SDF2: variants seen among roughly 807,000 people sequenced by gnomAD.
SDF2 encodes the protein stromal cell derived factor 2.
SDF2 carries 12 observed loss-of-function variants against 20.5 expected under a neutral mutation model. The ratio of observed to expected loss-of-function variants is 0.58; its 90% CI spans 0.37 to 0.95. The LOEUF is 0.95. Ranked by LOEUF, SDF2 falls within the 40% of genes least tolerant of loss-of-function variation. SDF2 has a pLI of 0.01. For missense variants in SDF2, 238 were observed against 263.1 expected (o/e 0.90, Z 0.66); for synonymous variants, 100 against 101.0 (o/e 0.99, Z 0.06).
intron 1 of SDF2, among the ~76,000 whole-genome samples, chr17:28,656,592 A>T (rs1427190006): frequency 1.3e-5 from 2 of 152,136 alleles, no homozygotes; most frequent in South Asian, 2.1e-4. Context: ...CGTCTCAAAA[A>T]AAATAAATAA....
In SDF2 at chr17:28,650,322, T is replaced by A. The variant is rs558411783; in HGVS notation, c.349-1046A>T. On this transcript the variant is annotated intron_variant, in intron 2 of 2. Coordinates refer to ENST00000247020, the MANE Select transcript of SDF2 (RefSeq NM_006923.4). Reference sequence around the variant, plus strand: ...CATAAAGGACATAGGAGGAAAAAAATTCATTGCTATAAGATTATGGTCCAT... The same window carrying A: ...CATAAAGGACATAGGAGGAAAAAAAATCATTGCTATAAGATTATGGTCCAT... Among the ~76,000 whole-genome samples, 3 of 152,018 alleles carry A rather than the reference T, an allele frequency of 2.0e-5. No homozygotes were observed. In the South Asian group the frequency reaches 6.2e-4, roughly 32 times the overall value.
At chr17:28,650,751 C>T (rs764720062) in intron 2 of SDF2, among the ~76,000 whole-genome samples, 1 of 134,044 alleles carries the variant, frequency 7.5e-6, no homozygotes, top group Non-Finnish European at 1.5e-5. Context: ...TGCAGTGAGC[C>T]GAGATTGCAC....
chr17:28,653,177 A>G (rs1315859469), intron 2 of SDF2, among the ~76,000 whole-genome samples: 5 of 152,246 alleles, frequency 3.3e-5, no homozygotes, highest in African/African-American at 1.2e-4. Context: ...ATAACTTTAC[A>G]GGAGAAACCT....
chr17:28,655,227 A>G (rs957247895), intron 2 of SDF2, 60 bp downstream of exon 2: 2 of 1,495,376 alleles, frequency 1.3e-6, no homozygotes, highest in African/African-American at 2.8e-5. Flanking sequence ...GAACCAAGAG[A>G]TCAAACAAGC....
Position 28,648,759 on chromosome 17 carries a change from C to T in SDF2, c.*230G>A. On this transcript the variant is annotated 3_prime_UTR_variant, in exon 3 of 3. Coordinates refer to ENST00000247020, the MANE Select transcript of SDF2 (RefSeq NM_006923.4). ...CTAATAAAAAGCATCTGCCCCTTTA[C>T]CAGCAAGTCCTCTACTCAGAAAGAA... 1.7e-6 allele frequency: 1 copy of T among 575,266 alleles called. No homozygotes were observed. The highest frequency in any genetic ancestry group is 3.1e-6 in the Non-Finnish European group (1 of 322,790). The allele number at this position is 575,266 out of a possible 1,614,324, so 35.6% of individuals were successfully genotyped here.
Position 28,649,730 on chromosome 17 carries a change from G to C in SDF2, c.349-454C>G, listed in dbSNP as rs533052459. On this transcript the variant is annotated intron_variant, in intron 2 of 2. Coordinates refer to ENST00000247020, the MANE Select transcript of SDF2 (RefSeq NM_006923.4). ...GCCTGGGCAACAAGAGCAAAACTCT[G>C]TCTCAAAAAAAAAAAAAGAAAAAAA... Among the ~76,000 whole-genome samples the C allele has an allele frequency of 7.7e-4, 99 of 128,388 alleles. 1 individual carries two copies. The highest frequency in any genetic ancestry group is 2.7e-3 in the African/African-American group (94 of 34,520). The allele number at this position is 128,388 out of a possible 152,430, so 84.2% of individuals were successfully genotyped here. A position where few individuals can be genotyped will look rare whatever the true frequency, so the allele number is the denominator to read the frequency against.
intron 1 of SDF2, among the ~76,000 whole-genome samples, chr17:28,659,475 C>T (rs1412925580): frequency 3.5e-5 from 5 of 144,504 alleles, no homozygotes; most frequent in East Asian, 2.1e-4. Context: ...ATGGGGTGGC[C>T]GGGCAGAGGT....
intron 1 of SDF2, among the ~76,000 whole-genome samples, chr17:28,661,442 C>T (rs907100532): frequency 1.3e-5 from 2 of 152,198 alleles, no homozygotes; most frequent in Admixed American, 1.3e-4. Context: ...CGTCTGTTTC[C>T]TCATCTGTGA....
chr17:28,659,960 T>A (rs1418195441), intron 1 of SDF2, among the ~76,000 whole-genome samples: 1 of 152,216 alleles, frequency 6.6e-6, no homozygotes, highest in Non-Finnish European at 1.5e-5. Context: ...CACTGAGCAC[T>A]GAGTGAGCAA....
chr17:28,662,045 C>G, upstream of SDF2: 1 of 706,686 alleles, frequency 1.4e-6, no homozygotes, highest in Non-Finnish European at 2.3e-6. Context: ...TGGTTACTTA[C>G]GATACTCTCG....
At chr17:28,657,693 C>T (rs1011990133) in intron 1 of SDF2, 1 of 151,840 alleles carries the variant, frequency 6.6e-6, no homozygotes, top group Non-Finnish European at 1.5e-5. Context: ...CCACCACACC[C>T]AGCCTAAAAA....
chr17:28,658,008 T>C (rs1340261379), intron 1 of SDF2, among the ~76,000 whole-genome samples: 2 of 152,170 alleles, frequency 1.3e-5, no homozygotes, highest in Admixed American at 1.3e-4. Flanking sequence ...TAGCCAACTA[T>C]CAGCTCCTTT....
intron 1 of SDF2, among the ~76,000 whole-genome samples, chr17:28,658,976 C>CAG (rs2071993732): frequency 1.4e-5 from 2 of 144,756 alleles, no homozygotes; most frequent in South Asian, 2.2e-4. Context: ...ACATCCCAGA[C>CAG]GATGGGAGGC....
chr17:28,656,788 CA>C (rs2071967318), intron 1 of SDF2, among the ~76,000 whole-genome samples: 1 of 152,144 alleles, frequency 6.6e-6, no homozygotes, highest in Non-Finnish European at 1.5e-5. Flanking sequence ...TGTCTAATCA[CA>C]TAATTTTAAC....
At chr17:28,656,515 G>A (rs1477451974) in intron 1 of SDF2, among the ~76,000 whole-genome samples, 1 of 152,086 alleles carries the variant, frequency 6.6e-6, no homozygotes, top group Non-Finnish European at 1.5e-5. Flanking sequence ...TTGAACCCGG[G>A]AGGTGGAGGT....
chr17:28,657,483 G>C (rs1451861967), intron 1 of SDF2, among the ~76,000 whole-genome samples: 2 of 151,576 alleles, frequency 1.3e-5, no homozygotes, highest in African/African-American at 4.9e-5. Flanking sequence ...CCACAGCCTT[G>C]ACCTCCCAGG....
At chr17:28,657,839 C>G (rs1326062174) in intron 1 of SDF2, 1 of 152,162 alleles carries the variant, frequency 6.6e-6, no homozygotes, top group Non-Finnish European at 1.5e-5. Flanking sequence ...ACTGACAAAA[C>G]TCCATCTCTA....
At chr17:28,653,463 T>C (rs1356128633) in intron 2 of SDF2, among the ~76,000 whole-genome samples, 4 of 152,294 alleles carry the variant, frequency 2.6e-5, no homozygotes, top group Admixed American at 2.0e-4. Context: ...AACAGCCTAA[T>C]GAGACATGGC....
At chr17:28,653,508 A>G (rs1046366315) in intron 2 of SDF2, among the ~76,000 whole-genome samples, 12 of 152,248 alleles carry the variant, frequency 7.9e-5, no homozygotes, top group African/African-American at 2.9e-4. Context: ...GAATGGAAAA[A>G]GAACATTAGG....
Sources: allele counts gnomAD v4.1 joint callset (sites outside exome capture counted in the v4.1 genomes callset), GRCh38; gene constraint gnomAD v4.1.1; transcripts MANE v1.5; gene names NCBI Gene and HGNC (gene_info 2026-07-23, HGNC 2026-07-21).